Variants in GRIA3 observed in about 807,000 individuals in gnomAD.
The protein encoded by GRIA3 is glutamate receptor 3.
Under a neutral mutation model 63.0 loss-of-function variants are expected in GRIA3, and 3 were observed. The ratio of observed to expected loss-of-function variants is 0.05; its 90% CI spans 0.02 to 0.12. The LOEUF is 0.12. Among genes scored for constraint, GRIA3 ranks in the 10% least tolerant of loss-of-function variants. GRIA3 has a pLI of 1.00. For missense variants in GRIA3, 347 were observed against 700.9 expected (o/e 0.50, Z 5.70); for synonymous variants, 274 against 257.9 (o/e 1.06, Z -0.60).
At chrX:123,226,448 T>C (rs1176895230) in intron 2 of GRIA3, among the ~76,000 whole-genome samples, 1 of 111,868 alleles carries the variant, frequency 8.9e-6, no homozygotes, top group Non-Finnish European at 1.9e-5. Flanking sequence ...CTAGAAAGTT[T>C]CCCATTGCTT....
intron 12 of GRIA3, among the ~76,000 whole-genome samples, chrX:123,441,538 ATACTT>A (rs747414846): frequency 1.9e-4 from 21 of 111,551 alleles, no homozygotes; most frequent in Admixed American, 1.3e-3. Flanking sequence ...TCTCCAAAGA[ATACTT>A]TGCTTTCCTT....
At chrX:123,466,445 T>C (rs2045834339) in intron 13 of GRIA3, among the ~76,000 whole-genome samples, 1 of 111,992 alleles carries the variant, frequency 8.9e-6, no homozygotes, top group Non-Finnish European at 1.9e-5. Flanking sequence ...ACTGTGATAC[T>C]ATATGTGTGT....
chrX:123,185,276 T>C (rs966317948), intron 1 of GRIA3, among the ~76,000 whole-genome samples: 2 of 111,512 alleles, frequency 1.8e-5, no homozygotes, highest in African/African-American at 6.5e-5. Flanking sequence ...GCTGTGTCTG[T>C]CTGGAGCCCG....
intron 5 of GRIA3, among the ~76,000 whole-genome samples, chrX:123,374,658 G>A (rs1298892826): frequency 2.7e-5 from 3 of 111,614 alleles, no homozygotes; most frequent in African/African-American, 9.8e-5. Flanking sequence ...CTCTCTGTCT[G>A]TTATTGGTGT....
At chrX:123,361,402 G>A (rs2045173451) in intron 5 of GRIA3, 1 of 111,774 alleles carries the variant, frequency 8.9e-6, no homozygotes, top group Non-Finnish European at 1.9e-5. Flanking sequence ...TGGCTTTGCA[G>A]GCAAGGGAGG....
At chrX:123,373,337 T>C (rs1406240893) in intron 5 of GRIA3, among the ~76,000 whole-genome samples, 1 of 111,960 alleles carries the variant, frequency 8.9e-6, no homozygotes, top group Non-Finnish European at 1.9e-5. Context: ...TGTGTGCATG[T>C]GTCTTTATAG....
intron 3 of GRIA3, among the ~76,000 whole-genome samples, chrX:123,271,839 T>C (rs1157699706): frequency 8.9e-6 from 1 of 112,168 alleles, no homozygotes; most frequent in Non-Finnish European, 1.9e-5. Flanking sequence ...GACGCCCTGA[T>C]TCCTAACTCC....
At chrX:123,188,914 C>T (rs1274563743) in intron 2 of GRIA3, among the ~76,000 whole-genome samples, 1 of 111,955 alleles carries the variant, frequency 8.9e-6, no homozygotes, top group East Asian at 2.8e-4. Flanking sequence ...CCTACAACCT[C>T]TGACAATGTG....
At chrX:123,306,288 C>T (rs950414075) in intron 3 of GRIA3, among the ~76,000 whole-genome samples, 1 of 111,703 alleles carries the variant, frequency 9.0e-6, no homozygotes, top group Non-Finnish European at 1.9e-5. Context: ...AGATATTACA[C>T]GTGCAAACAC....
chrX:123,398,800 A>G lies in GRIA3; in HGVS notation c.1077A>G (p.Lys359=), dbSNP rs2045428054. The change falls in exon 7 of 16, where the codon AAA becomes AAG. Residue 359 remains lysine (K), a synonymous_variant. Transcript: ENST00000620443. ...GAATTGATATTGAGAGAGCTCTGAA[A>G]ATGGTAAAGACCACAATGGGTTATT... is the stretch of plus-strand genomic sequence containing the variant. The part of the protein sequence containing the change: ...SQGIDIERAL[K]MVQVQGMTGN... The G allele has an allele frequency of 2.5e-6, 3 of 1,202,807 alleles. No homozygotes were observed. The East Asian group carries it at 8.9e-5, about 36-fold the overall frequency.
chrX:123,395,014 A>G lies in GRIA3; in HGVS notation c.797A>G (p.Asn266Ser). ...LLERVMHGGA[N>S]ITGFQIVNNE... The stretch of plus-strand genomic sequence containing the variant: ...GAAAGAGTCATGCATGGGGGAGCCA[A>G]CATTACAGGTTTCCAGATTGTCAAC... The change falls in exon 6 of 16, where the codon AAC becomes AGC. Residue 266 changes from asparagine to serine, a missense_variant. Transcript: ENST00000620443. 2.5e-6 allele frequency: 3 copies of G among 1,195,770 alleles called. No homozygotes were observed. Among genetic ancestry groups the G allele is most frequent in the Non-Finnish European group, 3.4e-6 (3 of 880,806 alleles).
At chrX:123,260,402 AAG>A (rs2044445444) in intron 3 of GRIA3, among the ~76,000 whole-genome samples, 1 of 22,003 alleles carries the variant, frequency 4.5e-5, no homozygotes, top group African/African-American at 1.6e-4. Context: ...GAAAGAAAGA[AAG>A]ACAGACAGAC....
chrX:123,386,216 C>T (rs1235502154), intron 5 of GRIA3, among the ~76,000 whole-genome samples: 1 of 111,604 alleles, frequency 9.0e-6, no homozygotes, highest in African/African-American at 3.3e-5. Flanking sequence ...TTTTTTCATA[C>T]ACCTATTGGC....
At chrX:123,367,477 C>A (rs1317258737) in intron 5 of GRIA3, among the ~76,000 whole-genome samples, 8 of 108,564 alleles carry the variant, frequency 7.4e-5, no homozygotes, top group Non-Finnish European at 1.5e-4. Flanking sequence ...TGCCCTGTCA[C>A]CCAGGCTGGA....
chrX:123,380,927 T>C (rs1346248034), intron 5 of GRIA3, among the ~76,000 whole-genome samples: 3 of 111,717 alleles, frequency 2.7e-5, no homozygotes, highest in Non-Finnish European at 5.6e-5. Context: ...CTTGTTTTTG[T>C]CAGGTTTGTC....
At chrX:123,258,507 G>T (rs2044431975) in intron 3 of GRIA3, among the ~76,000 whole-genome samples, 1 of 111,282 alleles carries the variant, frequency 9.0e-6, no homozygotes, top group South Asian at 4.0e-4. Context: ...ATCTCTTCCA[G>T]TTATTAGACT....
rs780207997 is a variant in GRIA3, at chrX:123,427,236, G to C, written c.1878-705G>C. 2.8e-4 allele frequency among the ~76,000 whole-genome samples: 32 copies of C among 112,310 alleles called. No homozygotes were observed. The South Asian group carries it at 0.012, about 41-fold the overall frequency. ...CTACCCATTTATCTTCAAGTGAGAA[G>C]AGGTTTTTGACTATGTTTCTCTCAT... is the stretch of plus-strand genomic sequence containing the variant. On this transcript the variant is annotated intron_variant, in intron 11 of 15. Transcript: ENST00000620443.
At chrX:123,403,284 C>A in intron 8 of GRIA3, 128 bp from the exon 9 acceptor site, 1 of 621,446 alleles carries the variant, frequency 1.6e-6, no homozygotes, top group Non-Finnish European at 2.8e-6. Context: ...AATTACAAGA[C>A]CCGGGGAGAC....
intron 2 of GRIA3, among the ~76,000 whole-genome samples, chrX:123,241,171 C>T (rs1398263514): frequency 9.0e-6 from 1 of 111,646 alleles, no homozygotes; most frequent in African/African-American, 3.3e-5. Flanking sequence ...GATTATACTA[C>T]CCGAAGCAGA....
Sources: gnomAD v4.1 joint callset for allele counts (sites outside exome capture counted in the v4.1 genomes callset) on GRCh38, gnomAD v4.1.1 for gene constraint, MANE v1.5 for transcripts, NCBI Gene and HGNC (gene_info 2026-07-23, HGNC 2026-07-21) for gene names.